Variants in FRAS1 observed in about 807,000 individuals in gnomAD.
FRAS1 encodes the protein Fraser extracellular matrix complex subunit 1.
A neutral mutation model predicts 435.2 loss-of-function variants in FRAS1; 290 were observed. That is an observed-to-expected ratio of 0.67 (90% CI 0.61 to 0.73). FRAS1 has a LOEUF of 0.73. Ranked by LOEUF, FRAS1 falls within the 30% of genes least tolerant of loss-of-function variation. The probability of loss-of-function intolerance (pLI) is 0.00; values close to 1 mark genes in which losing one functional copy is unlikely to be tolerated. For missense variants in FRAS1, 4,860 were observed against 5,001.5 expected, an observed-to-expected ratio of 0.97 and a Z score of 0.85; for synonymous variants, 1,800 against 1,851.0, an observed-to-expected ratio of 0.97 and a Z score of 0.71.
chr4:78,321,872 C>T (rs1340038808), intron 18 of FRAS1, among the ~76,000 whole-genome samples: 1 of 151,240 alleles, frequency 6.6e-6, no homozygotes, highest in Non-Finnish European at 1.5e-5. Context: ...GAATCTAATC[C>T]TGCCAGAATG....
intron 2 of FRAS1, among the ~76,000 whole-genome samples, chr4:78,142,837 A>T (rs1720251543): frequency 6.6e-6 from 1 of 152,182 alleles, no homozygotes; most frequent in South Asian, 2.1e-4. Context: ...TGCATGTTTT[A>T]ATGGCTGGAG....
Position 78,389,461 on chromosome 4 carries a change from G to A in FRAS1, c.3975+1760G>A, listed in dbSNP as rs139072119. Reference sequence around the variant, plus strand: ...AGGTAATTTCTCAGTTTCCTGTCTCGTTATTTTCAGCTGCTGAAAGCAGTG... The same window carrying A: ...AGGTAATTTCTCAGTTTCCTGTCTCATTATTTTCAGCTGCTGAAAGCAGTG... On this transcript the variant is annotated intron_variant, in intron 29 of 73. Coordinates refer to ENST00000512123, the MANE Select transcript of FRAS1 (RefSeq NM_025074.7). 1.3e-4 allele frequency among the ~76,000 whole-genome samples: 20 copies of A among 152,264 alleles called. No individual in the cohort carries two copies. In the East Asian group the frequency reaches 2.3e-3, roughly 18 times the overall value.
At chr4:78,140,649 GTA>G (rs1491425453) in intron 2 of FRAS1, among the ~76,000 whole-genome samples, 3 of 149,970 alleles carry the variant, frequency 2.0e-5, no homozygotes, top group Admixed American at 1.3e-4. Context: ...ATGTGTATAT[GTA>G]TATACGTATA....
At chr4:78,177,047 C>T (rs941364515) in intron 2 of FRAS1, among the ~76,000 whole-genome samples, 6 of 151,182 alleles carry the variant, frequency 4.0e-5, no homozygotes, top group Non-Finnish European at 7.4e-5. Context: ...AGTGGGAGTG[C>T]GTTAGAACCT....
chr4:78,466,924 T>A (rs1006079), intron 50 of FRAS1, among the ~76,000 whole-genome samples: 36,648 of 152,074 alleles, frequency 0.24, 5,026 homozygotes, highest in South Asian at 0.52. Context: ...ATTGATTTTT[T>A]AAAATAATTT....
chr4:78,134,397 T>C (rs1370462139), intron 2 of FRAS1, among the ~76,000 whole-genome samples: 2 of 152,188 alleles, frequency 1.3e-5, no homozygotes, highest in Non-Finnish European at 2.9e-5. Flanking sequence ...CTTCCTCTCA[T>C]GTCAATGAGA....
At position 78,279,320 on chromosome 4, in the gene FRAS1, C is replaced by T. The variant is rs543091019; in HGVS notation, c.1071+576C>T. 3.3e-5 allele frequency among the ~76,000 whole-genome samples: 5 copies of T among 152,322 alleles called. No individual in the cohort carries two copies. The East Asian group carries it at 5.8e-4, about 18-fold the overall frequency. On this transcript the variant is annotated intron_variant, in intron 10 of 73. Transcript: ENST00000512123. ...TGAGGTCTAGTAAGTAGCCTGGAGG[C>T]CACAGTCTTTTACCCTGAGGCAAAT...
At position 78,506,764 on chromosome 4, in the gene FRAS1, C is replaced by T. The variant is rs563304068; in HGVS notation, c.9317-657C>T. On this transcript the variant is annotated intron_variant, in intron 61 of 73. Transcript: ENST00000512123. ...TGCCCTCCATGGGCTGCACCAATGT[C>T]CAACCAGTCCCAGTGAGATGAACCA... is the stretch of plus-strand genomic sequence containing the variant. Among the ~76,000 whole-genome samples, 4 of 149,634 alleles carry T rather than the reference C, an allele frequency of 2.7e-5. No homozygotes were observed. The South Asian group carries it at 6.5e-4, about 24-fold the overall frequency.
chr4:78,123,168 AG>A (rs1393674435), intron 2 of FRAS1, among the ~76,000 whole-genome samples: 1 of 152,188 alleles, frequency 6.6e-6, no homozygotes, highest in Non-Finnish European at 1.5e-5. Flanking sequence ...GTGTAAGGAA[AG>A]GGTCCAGTTT....
chr4:78,443,249 T>G (rs1734730041), intron 41 of FRAS1, among the ~76,000 whole-genome samples: 2 of 152,094 alleles, frequency 1.3e-5, no homozygotes, highest in South Asian at 2.1e-4. Context: ...TCCCAGCTAC[T>G]TGGGAGGCTG....
rs1218781267 is a variant in FRAS1 at position 78,057,520 on chromosome 4, C to G, written c.-490C>G. 1 of 156,562 alleles carries G rather than the reference C, an allele frequency of 6.4e-6. No individual in the cohort carries two copies. The highest frequency in any genetic ancestry group is 1.4e-5 in the Non-Finnish European group (1 of 70,852). The allele number at this position is 156,562 out of a possible 1,614,324, so 9.7% of individuals were successfully genotyped here. A position where few individuals can be genotyped will look rare whatever the true frequency, so the allele number is the denominator to read the frequency against. On this transcript the variant is annotated 5_prime_UTR_variant, in exon 1 of 74. Coordinates refer to ENST00000512123, the MANE Select transcript of FRAS1 (RefSeq NM_025074.7). This position sits in a 1 kb window ranked among gnomAD's most constrained non-coding sequence, Gnocchi z 4.2. ...GTGGGTGTGGGTGGGTCTTTCGGGG[C>G]TCCCGGCGACCCGCGGTGCCGACGC...
At position 78,321,004 on chromosome 4, in the gene FRAS1, A is replaced by T. The variant is rs566001684; in HGVS notation, c.2137+2018A>T. Among the ~76,000 whole-genome samples the T allele has an allele frequency of 4.6e-5, 7 of 152,320 alleles. No individual in the cohort carries two copies. In the South Asian group the frequency reaches 1.5e-3, roughly 32 times the overall value. The stretch of plus-strand genomic sequence containing the variant: ...TCTTCCTAGACCACTCAGCGCAGTT[A>T]GGTGCTTCTTACAATTTTGAGCACC... On this transcript the variant is annotated intron_variant, in intron 18 of 73. Transcript: ENST00000512123.
rs551770777 is a variant in FRAS1, at chr4:78,141,153, G to A, written c.108+75137G>A. Reference sequence around the variant, plus strand: ...GGTGGTTTGCTGCACCCATCAACCCGTCATCTACATTAGGTATTTCTCCTA... The same window carrying A: ...GGTGGTTTGCTGCACCCATCAACCCATCATCTACATTAGGTATTTCTCCTA... On this transcript the variant is annotated intron_variant, in intron 2 of 73. Transcript: ENST00000512123. Among the ~76,000 whole-genome samples, 5 of 152,088 alleles carry A rather than the reference G, an allele frequency of 3.3e-5. No homozygotes were observed. In the East Asian group the frequency reaches 7.7e-4, roughly 24 times the overall value.
chr4:78,522,163 T>G (rs912887654), intron 68 of FRAS1, among the ~76,000 whole-genome samples: 12 of 152,218 alleles, frequency 7.9e-5, no homozygotes, highest in Admixed American at 7.2e-4. Context: ...TGGGGGTATC[T>G]TGCTGATAAC....
chr4:78,181,597 T>G, intron 2 of FRAS1: 1 of 1,611,246 alleles, frequency 6.2e-7, no homozygotes, highest in South Asian at 1.1e-5. Flanking sequence ...CAACTGAAAA[T>G]TAGCCTCCTT....
At chr4:78,252,333 G>A (rs2110133214) in intron 4 of FRAS1, 59 bp from the exon 5 acceptor site, 1 of 1,522,568 alleles carries the variant, frequency 6.6e-7, no homozygotes, top group Non-Finnish European at 9.0e-7. Context: ...CTATTTGGCT[G>A]AATGAAAGCC....
At chr4:78,316,428 C>A (rs148558316) in intron 16 of FRAS1, among the ~76,000 whole-genome samples, 74 of 152,266 alleles carry the variant, frequency 4.9e-4, no homozygotes, top group Middle Eastern at 3.4e-3. Flanking sequence ...ATCTCAACAT[C>A]TCTCCTTAGC....
At chr4:78,415,676 G>A (rs1172979132) in intron 32 of FRAS1, among the ~76,000 whole-genome samples, 1 of 152,198 alleles carries the variant, frequency 6.6e-6, no homozygotes, top group Non-Finnish European at 1.5e-5. Context: ...TCTGTTAAGT[G>A]AAAACGCAGT....
At chr4:78,472,101 G>T in intron 51 of FRAS1, 79 bp from the exon 52 acceptor site, 1 of 1,407,016 alleles carries the variant, frequency 7.1e-7, no homozygotes, top group South Asian at 1.2e-5. Flanking sequence ...TTGTTGAACT[G>T]AATTAAATCT....
Sources: allele counts gnomAD v4.1 joint callset (sites outside exome capture counted in the v4.1 genomes callset), GRCh38; gene constraint gnomAD v4.1.1; non-coding constraint Gnocchi (gnomAD v3.1); transcripts MANE v1.5; gene names NCBI Gene and HGNC (gene_info 2026-07-23, HGNC 2026-07-21).